The following ATP2A3 variants were observed in gnomAD, a reference collection of about 807,000 sequenced individuals.
The protein encoded by ATP2A3 is ATPase sarcoplasmic/endoplasmic reticulum Ca2+ transporting 3, also known as sarcoplasmic/endoplasmic reticulum calcium ATPase 3.
In ATP2A3, 61 loss-of-function variants were observed where a neutral mutation model predicts 106.8. The ratio of observed to expected loss-of-function variants is 0.57; its 90% CI spans 0.46 to 0.71. The LOEUF (loss-of-function observed/expected upper bound fraction) is 0.71. ATP2A3 is among the 30% of genes least tolerant of loss of function. The probability of loss-of-function intolerance (pLI) is 0.00; values close to 1 mark genes in which losing one functional copy is unlikely to be tolerated. For missense variants in ATP2A3, 1,201 were observed against 1,423.5 expected (o/e 0.84, Z 2.52); for synonymous variants, 611 against 609.3 (o/e 1.00, Z -0.04).
chr17:3,953,825 C>T lies in ATP2A3; in HGVS notation c.119-115G>A. On this transcript the variant is annotated intron_variant, in intron 1 of 20. Coordinates refer to ENST00000397041, the MANE Select transcript of ATP2A3 (RefSeq NM_005173.4). This position sits in a 1 kb window ranked among gnomAD's most constrained non-coding sequence, Gnocchi z 5.1. ...CCACCGTGCCCGCCCAGACCCCCAC[C>T]ACGGACTGGATGTATCCCCAGGGCT... 6 of 1,147,546 alleles carry T rather than the reference C, an allele frequency of 5.2e-6. No homozygotes were observed. Among genetic ancestry groups the T allele is most frequent in the East Asian group, 2.6e-5 (1 of 39,056 alleles). 71.1% of individuals were successfully genotyped at this position (1,147,546 alleles called of 1,614,324 possible).
chr17:3,940,040 TTTGTTTTTTG>T (rs1441873297), intron 14 of ATP2A3, among the ~76,000 whole-genome samples: 2 of 92,968 alleles, frequency 2.2e-5, no homozygotes, highest in African/African-American at 1.1e-4. Flanking sequence ...TCTTTTTTTT[TTTGTTTTTTG>T]TTTTTTTTTT....
Position 3,935,281 on chromosome 17 carries a change from C to CG in ATP2A3, c.2525-5dup. The CG allele has an allele frequency of 6.2e-7, 1 of 1,613,246 alleles. No individual in the cohort carries two copies. The highest frequency in any genetic ancestry group is 8.5e-7 in the Non-Finnish European group (1 of 1,179,852). On this transcript the variant is annotated splice_polypyrimidine_tract_variant and splice_region_variant and intron_variant, in intron 16 of 20. Transcript: ENST00000397041. ...ACTGTGGCCAGGCCTACGTACACTG[C>CG]GGGGAAGGGAGGAGACCGGCTGTAG...
intron 17 of ATP2A3, among the ~76,000 whole-genome samples, chr17:3,933,673 T>C (rs139921116): frequency 0.064 from 9,543 of 149,966 alleles, 1,299 homozygotes; most frequent in African/African-American, 0.22. Flanking sequence ...GAGGTGGAGG[T>C]TGCAGTGAGC....
chr17:3,945,283 C>A (rs1680361416), intron 8 of ATP2A3, 135 bp from the exon 9 acceptor site: 3 of 736,378 alleles, frequency 4.1e-6, no homozygotes, highest in Non-Finnish European at 6.6e-6. Context: ...TCCGTGCCCA[C>A]CAGGAGGGAA....
At chr17:3,931,567 G>GT (rs1277242484) in intron 17 of ATP2A3, among the ~76,000 whole-genome samples, 1 of 150,286 alleles carries the variant, frequency 6.7e-6, no homozygotes, top group African/African-American at 2.4e-5. Flanking sequence ...TGTCACCCGA[G>GT]CTGGAGTGCA....
Position 3,936,147 on chromosome 17 carries a change from G to A in ATP2A3, c.2524+120C>T. Reference sequence around the variant, plus strand: ...CCATGCCTGGTCTTTTCCATTACATGAGCTCATACAGTTTCTACTGGCACA... The same window carrying A: ...CCATGCCTGGTCTTTTCCATTACATAAGCTCATACAGTTTCTACTGGCACA... On this transcript the variant is annotated intron_variant, in intron 16 of 20. Transcript: ENST00000397041. This position sits in a 1 kb window ranked among gnomAD's most constrained non-coding sequence, Gnocchi z 5.4. 1.5e-6 allele frequency: 2 copies of A among 1,295,626 alleles called. No individual in the cohort carries two copies. The highest frequency in any genetic ancestry group is 1.5e-5 in the African/African-American group (1 of 68,054). The allele number at this position is 1,295,626 out of a possible 1,614,324, so 80.3% of individuals were successfully genotyped here.
At chr17:3,957,948 G>A (rs2054875648) in intron 1 of ATP2A3, among the ~76,000 whole-genome samples, 1 of 152,204 alleles carries the variant, frequency 6.6e-6, no homozygotes, top group South Asian at 2.1e-4. Context: ...CTCCGCCACG[G>A]TGACCCCTGC....
intron 8 of ATP2A3, 96 bp from the exon 9 acceptor site, chr17:3,945,244 C>G: frequency 8.0e-7 from 1 of 1,247,624 alleles, no homozygotes; most frequent in Non-Finnish European, 1.1e-6. Context: ...AGGCCCCCTG[C>G]CCGACCGAGG....
chr17:3,964,201 C>G lies in ATP2A3; in HGVS notation c.91G>C (p.Gly31Arg). 1 of 1,251,186 alleles carries G rather than the reference C, an allele frequency of 8.0e-7. No homozygotes were observed. Among genetic ancestry groups the G allele is most frequent in the East Asian group, 4.2e-5 (1 of 23,806 alleles). 77.5% of individuals were successfully genotyped at this position (1,251,186 alleles called of 1,614,324 possible). Residue 31 changes from glycine (G) to arginine (R), a missense_variant, in exon 1 of 21, where the codon GGC (glycine) becomes CGC (arginine). Around this residue, in one of 2 missense-constraint regions of ATP2A3, gnomAD observed 266 missense variants for 246.8 expected, o/e 1.08. Transcript: ENST00000397041. ...TTGGGGCCGTAGCGCTCCCGCGCGC[C>G]GGTCACCTGCGCCGGGCTCAGGCCG... ...EGGLSPAQVTGARERYGPNEL... is the reference protein window; with the variant it reads ...EGGLSPAQVTRARERYGPNEL...
At chr17:3,957,174 C>G (rs1469550759) in intron 1 of ATP2A3, among the ~76,000 whole-genome samples, 1 of 152,194 alleles carries the variant, frequency 6.6e-6, no homozygotes, top group Non-Finnish European at 1.5e-5. Context: ...TCCTTGCGTG[C>G]CTTATTCTCA....
At position 3,925,892 on chromosome 17, in the gene ATP2A3, T is replaced by C. The variant is rs2052682697; in HGVS notation, c.2981-451A>G. 6.6e-6 allele frequency among the ~76,000 whole-genome samples: 1 copy of C among 150,754 alleles called. No individual in the cohort carries two copies. The highest frequency in any genetic ancestry group is 1.5e-5 in the Non-Finnish European group (1 of 67,692). The stretch of plus-strand genomic sequence containing the variant: ...TGCCGCCCTGCCCCCAGCCCCAGTC[T>C]TACCGTCCCATCATACTTCTGCCCC... On this transcript the variant is annotated intron_variant, in intron 20 of 20. Coordinates refer to ENST00000397041, the MANE Select transcript of ATP2A3 (RefSeq NM_005173.4). This position sits in a 1 kb window ranked among gnomAD's most constrained non-coding sequence, Gnocchi z 4.2.
At position 3,936,778 on chromosome 17, in the gene ATP2A3, A is replaced by G; in HGVS notation, c.2322-309T>C. 2.3e-6 allele frequency: 1 copy of G among 439,698 alleles called. No individual in the cohort carries two copies. Among genetic ancestry groups the G allele is most frequent in the South Asian group, 2.2e-5 (1 of 45,316 alleles). 27.2% of individuals were successfully genotyped at this position (439,698 alleles called of 1,614,324 possible). ...CACGCACACGAAGAGGGCATGCCCA[A>G]GAATCAGACATGTGCAAAAACCTAG... On this transcript the variant is annotated intron_variant, in intron 15 of 20. Transcript: ENST00000397041. The surrounding 1 kb of genome is among the most constrained non-coding windows in gnomAD (Gnocchi z 5.4).
intron 1 of ATP2A3, among the ~76,000 whole-genome samples, chr17:3,954,204 C>G (rs8081473): frequency 1.3e-5 from 2 of 152,134 alleles, no homozygotes; most frequent in South Asian, 2.1e-4. Context: ...AGGCGCCTTC[C>G]GCTCACCCTG....
intron 15 of ATP2A3, 72 bp downstream of exon 15, chr17:3,937,344 A>C: frequency 6.7e-7 from 1 of 1,503,382 alleles, no homozygotes; most frequent in Non-Finnish European, 9.1e-7. Context: ...CATCCGAGGA[A>C]CAGGCGTTTT....
Position 3,964,101 on chromosome 17 carries a change from A to T in ATP2A3, c.118+73T>A, listed in dbSNP as rs2055297513. Reference sequence around the variant, plus strand: ...CCTGCCCGCCCAGAGCCGGGTGGGGAGGCAGGAGGGGAAACTGAGACTGCG... The same window carrying T: ...CCTGCCCGCCCAGAGCCGGGTGGGGTGGCAGGAGGGGAAACTGAGACTGCG... On this transcript the variant is annotated intron_variant, in intron 1 of 20. Transcript: ENST00000397041. The T allele has an allele frequency of 5.0e-6, 4 of 805,308 alleles. 1 individual carries two copies. The highest frequency in any genetic ancestry group is 1.1e-4 in the South Asian group (2 of 18,236). The allele number at this position is 805,308 out of a possible 1,614,324, so 49.9% of individuals were successfully genotyped here. A position where few individuals can be genotyped will look rare whatever the true frequency, so the allele number is the denominator to read the frequency against.
At chr17:3,940,587 A>C (rs2053704030) in intron 14 of ATP2A3, among the ~76,000 whole-genome samples, 1 of 152,148 alleles carries the variant, frequency 6.6e-6, no homozygotes, top group Non-Finnish European at 1.5e-5. Context: ...GGCTCACTGC[A>C]ACCTCTGCCT....
chr17:3,959,194 C>T (rs1261442821), intron 1 of ATP2A3, among the ~76,000 whole-genome samples: 10 of 152,110 alleles, frequency 6.6e-5, no homozygotes, highest in Non-Finnish European at 1.5e-4. Context: ...CCACCGCGCC[C>T]GGCCTTCCTC....
intron 12 of ATP2A3, among the ~76,000 whole-genome samples, chr17:3,942,175 G>A (rs1357244391): frequency 6.6e-6 from 1 of 152,170 alleles, no homozygotes; most frequent in Admixed American, 6.5e-5. Context: ...CCGGGCCTAG[G>A]AACAGCCTCT....
At chr17:3,935,611 C>T (rs965389528) in intron 16 of ATP2A3, among the ~76,000 whole-genome samples, 1 of 150,252 alleles carries the variant, frequency 6.7e-6, no homozygotes, top group Non-Finnish European at 1.5e-5. Flanking sequence ...CATCTCGGCT[C>T]ACAGCAACCT....
Sources: gnomAD v4.1 joint callset for allele counts (sites outside exome capture counted in the v4.1 genomes callset) on GRCh38, gnomAD v4.1.1 for gene constraint, gnomAD v4.1.1 regional missense constraint, Gnocchi (gnomAD v3.1) non-coding constraint, MANE v1.5 for transcripts, NCBI Gene and HGNC (gene_info 2026-07-23, HGNC 2026-07-21) for gene names.